Variants in PAK4 observed in about 807,000 individuals in gnomAD.
PAK4 encodes serine/threonine-protein kinase PAK 4.
Under a neutral mutation model 53.5 loss-of-function variants are expected in PAK4, and 49 were observed. That is an observed-to-expected ratio of 0.92 (90% CI 0.73 to 1.16). PAK4 has a LOEUF of 1.16. Among genes scored for constraint, PAK4 ranks in the 50% most tolerant of loss-of-function variants. PAK4 has a pLI of 0.00. For synonymous variants in PAK4, 376 were observed against 375.6 expected (o/e 1.00, Z -0.01); for missense variants, 824 against 850.7 (o/e 0.97, Z 0.39).
At chr19:39,132,358 A>G (rs995205325) in intron 1 of PAK4, among the ~76,000 whole-genome samples, 2 of 152,200 alleles carry the variant, frequency 1.3e-5, no homozygotes, top group Non-Finnish European at 2.9e-5. Context: ...AGATAGCATC[A>G]TCACCCCCGG....
chr19:39,130,232 TG>T (rs1160280819), intron 1 of PAK4, among the ~76,000 whole-genome samples: 1 of 31,632 alleles, frequency 3.2e-5, no homozygotes, highest in Non-Finnish European at 5.8e-5. Flanking sequence ...AGGGTGGGAC[TG>T]GGGGGGACCC....
chr19:39,181,541 G>C (rs987826415), downstream of PAK4: 1 of 152,276 alleles, frequency 6.6e-6, no homozygotes, highest in Admixed American at 6.5e-5. Context: ...CCCCACTCTC[G>C]CCTCTGTCTG....
At chr19:39,151,320 G>T (rs1448262312) in intron 1 of PAK4, among the ~76,000 whole-genome samples, 3 of 152,190 alleles carry the variant, frequency 2.0e-5, no homozygotes, top group Non-Finnish European at 4.4e-5. Context: ...GCTGAGGGGG[G>T]CCACACCTCA....
At chr19:39,167,469 G>A (rs759590479) in intron 1 of PAK4, among the ~76,000 whole-genome samples, 31 of 152,242 alleles carry the variant, frequency 2.0e-4, no homozygotes, top group Middle Eastern at 6.8e-3. Context: ...GGGCTGGAAG[G>A]CCACGAGGGA....
At position 39,173,328 on chromosome 19, in the gene PAK4, T is replaced by C. The variant is rs755234777; in HGVS notation, c.615T>C (p.Phe205=). 183 of 1,585,406 alleles carry C rather than the reference T, an allele frequency of 1.2e-4. No individual in the cohort carries two copies. The highest frequency in any genetic ancestry group is 3.4e-4 in the Admixed American group (19 of 55,624). The change falls in exon 3 of 9, where the codon TTT becomes TTC. Residue 205 remains phenylalanine (F), a synonymous_variant. Coordinates refer to ENST00000358301, the Ensembl canonical transcript of PAK4. The surrounding 1 kb of genome is among the most constrained non-coding windows in gnomAD (Gnocchi z 6.9). ...CGAAACTGGCAGCTGGCCGGCCCTT[T>C]AACACCTACCCGAGGGCTGACACGG...
In PAK4 at chr19:39,173,857, C is replaced by G; in HGVS notation, c.945C>G (p.Gly315=). ...CCCTGCAGCTGGTGGTGGACCCAGG[C>G]GACCCCCGCTCCTACCTGGACAACT... is the stretch of plus-strand genomic sequence containing the variant. The change falls in exon 4 of 9, where the codon GGC becomes GGG. Residue 315 remains glycine (G), a synonymous_variant. Coordinates refer to ENST00000358301, the Ensembl canonical transcript of PAK4. The surrounding 1 kb of genome is among the most constrained non-coding windows in gnomAD (Gnocchi z 6.9). 6.2e-7 allele frequency: 1 copy of G among 1,612,654 alleles called. No individual in the cohort carries two copies. The highest frequency in any genetic ancestry group is 8.5e-7 in the Non-Finnish European group (1 of 1,179,816).
exon 9 of PAK4, chr19:39,179,308 C>T (rs914849486): frequency 3.3e-5 from 5 of 152,698 alleles, no homozygotes; most frequent in African/African-American, 1.2e-4. Context: ...GGCAGAACCA[C>T]TGCCTGAAGA....
intron 1 of PAK4, among the ~76,000 whole-genome samples, chr19:39,167,641 G>A (rs2074399896): frequency 1.3e-5 from 2 of 152,236 alleles, no homozygotes; most frequent in Admixed American, 1.3e-4. Flanking sequence ...CCACCCGCTG[G>A]CCTCTTGGGA....
At position 39,178,820 on chromosome 19, in the gene PAK4, C is replaced by T; in HGVS notation, c.*241C>T. ...CTCCCAGGACCCCCACCCTCTGGGA[C>T]AGGCCCTCCCCCATGTTCTTCTGTC... On this transcript the variant is annotated 3_prime_UTR_variant, in exon 9 of 9. Coordinates refer to ENST00000358301, the Ensembl canonical transcript of PAK4. The surrounding 1 kb of genome is among the most constrained non-coding windows in gnomAD (Gnocchi z 4.4). 1 of 476,928 alleles carries T rather than the reference C, an allele frequency of 2.1e-6. No individual in the cohort carries two copies. Among genetic ancestry groups the T allele is most frequent in the Non-Finnish European group, 3.7e-6 (1 of 269,072 alleles). The allele number at this position is 476,928 out of a possible 1,614,324, so 29.5% of individuals were successfully genotyped here.
At chr19:39,182,064 C>G (rs1008147247), downstream of PAK4, 1 of 152,206 alleles carries the variant, frequency 6.6e-6, no homozygotes. Context: ...TGCCCACTCA[C>G]GTTTGAGAAC....
At chr19:39,144,207 A>G (rs1321888324) in intron 1 of PAK4, among the ~76,000 whole-genome samples, 5 of 152,096 alleles carry the variant, frequency 3.3e-5, no homozygotes, top group Non-Finnish European at 5.9e-5. Flanking sequence ...TGGTTAAGTG[A>G]GTGGACTTTG....
intron 1 of PAK4, among the ~76,000 whole-genome samples, chr19:39,164,277 C>CA (rs57848634): frequency 0.011 from 835 of 77,366 alleles, 11 homozygotes; most frequent in African/African-American, 0.028. Context: ...AACTCTGTCT[C>CA]AAAAAAAAAA....
At chr19:39,127,453 C>G (rs766221525) in intron 1 of PAK4, among the ~76,000 whole-genome samples, 4 of 152,066 alleles carry the variant, frequency 2.6e-5, no homozygotes, top group African/African-American at 9.7e-5. Flanking sequence ...CTCTTTTTCT[C>G]TCATCTGACC....
At chr19:39,154,101 C>T (rs1157505929) in intron 1 of PAK4, among the ~76,000 whole-genome samples, 1 of 152,114 alleles carries the variant, frequency 6.6e-6, no homozygotes, top group East Asian at 1.9e-4. Context: ...CTATCATGTG[C>T]GGTGCCATGG....
rs997721580 is a variant in PAK4 at position 39,175,845 on chromosome 19, G to A, written c.1359+407G>A. Among the ~76,000 whole-genome samples the A allele has an allele frequency of 1.1e-4, 17 of 152,194 alleles. No homozygotes were observed. Among genetic ancestry groups the A allele is most frequent in the African/African-American group, 3.9e-4 (16 of 41,440 alleles). ...CTGAGGCTGTGACAATTATAACGTC[G>A]GGTGGACATGATTTTCTGTGAGAGA... On this transcript the variant is annotated intron_variant, in intron 6 of 8. Transcript: ENST00000358301. This position sits in a 1 kb window ranked among gnomAD's most constrained non-coding sequence, Gnocchi z 4.7.
intron 1 of PAK4, among the ~76,000 whole-genome samples, chr19:39,128,931 G>C (rs953328791): frequency 1.4e-4 from 21 of 152,248 alleles, no homozygotes; most frequent in African/African-American, 5.1e-4. Flanking sequence ...CAACTTACTT[G>C]GTCTGGGCTG....
At position 39,175,084 on chromosome 19, in the gene PAK4, C is replaced by G. The variant is rs776341757; in HGVS notation, c.1232+20C>G. The G allele has an allele frequency of 6.3e-7, 1 of 1,594,346 alleles. No homozygotes were observed. Among genetic ancestry groups the G allele is most frequent in the Non-Finnish European group, 8.5e-7 (1 of 1,170,024 alleles). ...CACCAGGTATTTCTGGGGCCTCAGA[C>G]CCCTCCTGTGACACGACCAAGTCCC... On this transcript the variant is annotated intron_variant, in intron 5 of 8. Transcript: ENST00000358301. The surrounding 1 kb of genome is among the most constrained non-coding windows in gnomAD (Gnocchi z 4.7).
At chr19:39,151,514 A>G (rs561079051) in intron 1 of PAK4, among the ~76,000 whole-genome samples, 43 of 152,376 alleles carry the variant, frequency 2.8e-4, no homozygotes, top group African/African-American at 9.9e-4. Context: ...TGACAGCTGC[A>G]CACAGTGAGT....
At chr19:39,179,334 G>C (rs1452512580) in exon 9 of PAK4, 1 of 152,318 alleles carries the variant, frequency 6.6e-6, no homozygotes, top group Non-Finnish European at 1.5e-5. Flanking sequence ...GTTCCTGCCC[G>C]GTCAGCGCAG....
Sources: allele counts gnomAD v4.1 joint callset (sites outside exome capture counted in the v4.1 genomes callset), GRCh38; gene constraint gnomAD v4.1.1; non-coding constraint Gnocchi (gnomAD v3.1); transcripts MANE v1.5; gene names NCBI Gene and HGNC (gene_info 2026-07-23, HGNC 2026-07-21).